The following LPP variants were observed in gnomAD, a reference collection of about 807,000 sequenced individuals.
The protein encoded by LPP is lipoma-preferred partner.
A neutral mutation model predicts 60.4 loss-of-function variants in LPP; 38 were observed. That is an observed-to-expected ratio of 0.63 (90% CI 0.49 to 0.83). The LOEUF is 0.83. Ranked by LOEUF, LPP falls within the 40% of genes least tolerant of loss-of-function variation. LPP has a pLI of 0.00. For synonymous variants in LPP, 328 were observed against 290.8 expected, an observed-to-expected ratio of 1.13 and a Z score of -1.30; for missense variants, 902 against 783.6, an observed-to-expected ratio of 1.15 and a Z score of -1.80.
At chr3:188,568,403 GGAGA>G (rs1832708745) in intron 6 of LPP, 1 of 151,906 alleles carries the variant, frequency 6.6e-6, no homozygotes, top group Non-Finnish European at 1.5e-5. Context: ...TGGTTTTAAA[GGAGA>G]TGATTAATAC....
chr3:188,589,702 G>T (rs1441595351), intron 6 of LPP, among the ~76,000 whole-genome samples: 1 of 152,056 alleles, frequency 6.6e-6, no homozygotes, highest in East Asian at 1.9e-4. Flanking sequence ...TTTATATATT[G>T]AAGCTACTCA....
intron 9 of LPP, among the ~76,000 whole-genome samples, chr3:188,790,001 C>G (rs1207709655): frequency 6.6e-6 from 1 of 152,064 alleles, no homozygotes; most frequent in Non-Finnish European, 1.5e-5. Context: ...CAAAATTTAG[C>G]ACTATCTTTC....
At chr3:188,569,627 C>T (rs1168749859) in intron 6 of LPP, among the ~76,000 whole-genome samples, 1 of 151,888 alleles carries the variant, frequency 6.6e-6, no homozygotes, top group Non-Finnish European at 1.5e-5. Flanking sequence ...AATGATGTAG[C>T]CTGTCATTTC....
chr3:188,747,208 T>C (rs1726525626), intron 8 of LPP, among the ~76,000 whole-genome samples: 1 of 152,194 alleles, frequency 6.6e-6, no homozygotes, highest in African/African-American at 2.4e-5. Context: ...TTTCCATGCC[T>C]TTCTTCTGTG....
At chr3:188,517,122 A>G (rs1232980514) in intron 5 of LPP, among the ~76,000 whole-genome samples, 1 of 152,208 alleles carries the variant, frequency 6.6e-6, no homozygotes, top group African/African-American at 2.4e-5. Flanking sequence ...TGTGAATATT[A>G]CTTGACATGC....
rs376994979 is a variant in LPP, at chr3:188,351,949, G to A, written c.-10+10230G>A. On this transcript the variant is annotated intron_variant, in intron 3 of 11. Transcript: ENST00000617246. The stretch of plus-strand genomic sequence containing the variant: ...TGGAGAGCTGCAACCTGAGTGCCTC[G>A]TTCTTGAGTGTCTGTAGCATTGGCT... Among the ~76,000 whole-genome samples the A allele has an allele frequency of 7.8e-4, 118 of 152,242 alleles. 1 individual carries two copies. The highest frequency in any genetic ancestry group is 1.4e-3 in the African/African-American group (59 of 41,538).
At chr3:188,348,359 G>T (rs1434725632) in intron 3 of LPP, among the ~76,000 whole-genome samples, 1 of 151,882 alleles carries the variant, frequency 6.6e-6, no homozygotes, top group African/African-American at 2.4e-5. Context: ...TGTTGGCCAG[G>T]CTGGTCTCAA....
chr3:188,381,371 A>G (rs1578479599), intron 3 of LPP, among the ~76,000 whole-genome samples: 1 of 152,054 alleles, frequency 6.6e-6, no homozygotes, highest in South Asian at 2.1e-4. Flanking sequence ...TTCTTCAGCA[A>G]CCATTACTGA....
chr3:188,322,101 A>G (rs982939759), intron 2 of LPP, among the ~76,000 whole-genome samples: 2 of 152,182 alleles, frequency 1.3e-5, no homozygotes, highest in Non-Finnish European at 2.9e-5. Flanking sequence ...CTTTGCTCAG[A>G]TATTATGTCT....
intron 5 of LPP, among the ~76,000 whole-genome samples, chr3:188,511,939 T>C (rs1489251880): frequency 1.3e-5 from 2 of 152,178 alleles, no homozygotes; most frequent in African/African-American, 4.8e-5. Flanking sequence ...CTGTTTTATA[T>C]GTTCTTAAGA....
At chr3:188,745,499 T>C (rs148383218) in intron 8 of LPP, among the ~76,000 whole-genome samples, 2 of 152,208 alleles carry the variant, frequency 1.3e-5, no homozygotes, top group Non-Finnish European at 2.9e-5. Context: ...ACAGCACTTC[T>C]GTCTTACTGC....
At chr3:188,874,305 T>C (rs1217609552) in intron 11 of LPP, 46 bp from the exon 12 acceptor site, 1 of 1,583,030 alleles carries the variant, frequency 6.3e-7, no homozygotes, top group Non-Finnish European at 8.6e-7. Context: ...ACATGTGTAC[T>C]TAACGTTTTT....
intron 9 of LPP, among the ~76,000 whole-genome samples, chr3:188,786,382 CAAAAAAAAAAAAAAAA>C (rs57565042): frequency 2.6e-5 from 2 of 76,644 alleles, no homozygotes; most frequent in African/African-American, 4.8e-5. Flanking sequence ...GACTCCGTCT[CAAAAAAAAAAAAAAAA>C]AAAAAAAAAA....
intron 3 of LPP, among the ~76,000 whole-genome samples, chr3:188,359,453 C>A (rs1172885063): frequency 2.0e-5 from 3 of 152,164 alleles, no homozygotes; most frequent in Non-Finnish European, 4.4e-5. Flanking sequence ...TGGTTAAAGT[C>A]GGCACCTGAC....
chr3:188,358,021 T>C (rs945967173), intron 3 of LPP, among the ~76,000 whole-genome samples: 1 of 151,886 alleles, frequency 6.6e-6, no homozygotes, highest in African/African-American at 2.4e-5. Flanking sequence ...AGGAAAAAAA[T>C]GACGTGAATC....
At chr3:188,234,519 C>T (rs1721199862) in intron 2 of LPP, among the ~76,000 whole-genome samples, 1 of 152,152 alleles carries the variant, frequency 6.6e-6, no homozygotes, top group East Asian at 1.9e-4. Context: ...TTTTGTTCTA[C>T]CTTCTGGATG....
chr3:188,345,844 T>G (rs779277599), intron 3 of LPP, among the ~76,000 whole-genome samples: 2 of 152,196 alleles, frequency 1.3e-5, no homozygotes, highest in Non-Finnish European at 2.9e-5. Flanking sequence ...ACCTGGAACC[T>G]CACAGTACAG....
At chr3:188,421,021 C>T (rs1025468520) in intron 4 of LPP, among the ~76,000 whole-genome samples, 6 of 152,046 alleles carry the variant, frequency 3.9e-5, no homozygotes, top group African/African-American at 9.7e-5. Flanking sequence ...AGATGGTACC[C>T]CCTCACCCCC....
At chr3:188,383,915 A>C (rs2030517) in intron 3 of LPP, among the ~76,000 whole-genome samples, 91,726 of 152,096 alleles carry the variant, frequency 0.6, 29,283 homozygotes, top group African/African-American at 0.81. Context: ...GAAATAACTA[A>C]CAGCATGTCA....
Sources: gnomAD v4.1 joint callset for allele counts (sites outside exome capture counted in the v4.1 genomes callset) on GRCh38, gnomAD v4.1.1 for gene constraint, MANE v1.5 for transcripts, NCBI Gene and HGNC (gene_info 2026-07-23, HGNC 2026-07-21) for gene names.